RUNX1T1: variants seen among roughly 807,000 people sequenced by gnomAD.
RUNX1T1 encodes protein CBFA2T1.
In RUNX1T1, 4 loss-of-function variants were observed where a neutral mutation model predicts 62.8. That is an observed-to-expected ratio of 0.06 (90% CI 0.03 to 0.15). RUNX1T1 has a LOEUF of 0.15. Among genes scored for constraint, RUNX1T1 ranks in the 10% least tolerant of loss-of-function variants. The pLI is 1.00. For synonymous variants in RUNX1T1, 291 were observed against 286.0 expected (o/e 1.02, Z -0.18); for missense variants, 508 against 754.3 (o/e 0.67, Z 3.82).
At chr8:91,989,724 A>G (rs1358073730) in intron 6 of RUNX1T1, among the ~76,000 whole-genome samples, 1 of 152,160 alleles carries the variant, frequency 6.6e-6, no homozygotes, top group African/African-American at 2.4e-5. Flanking sequence ...ACATGCAATC[A>G]TGGTTTTCAG....
chr8:92,062,080 A>G (rs1832128606), intron 1 of RUNX1T1, among the ~76,000 whole-genome samples: 1 of 152,212 alleles, frequency 6.6e-6, no homozygotes, highest in Admixed American at 6.5e-5. Context: ...AATTCCTTGT[A>G]GTTCCAAAGC....
At chr8:92,095,653 G>A (rs980837146) in intron 1 of RUNX1T1, 1 of 1,196,328 alleles carries the variant, frequency 8.4e-7, no homozygotes, top group Admixed American at 3.5e-5. Flanking sequence ...CAGGCAGGAG[G>A]GAAGGAGAGA....
chr8:91,959,053 G>C (rs1197009533), exon 11 of RUNX1T1: 1 of 210,408 alleles, frequency 4.8e-6, no homozygotes, highest in African/African-American at 2.3e-5. Context: ...GGAATAAAGA[G>C]ACTAAATGTG....
intron 1 of RUNX1T1, among the ~76,000 whole-genome samples, chr8:92,030,202 C>T (rs1163108269): frequency 6.6e-6 from 1 of 152,120 alleles, no homozygotes; most frequent in Non-Finnish European, 1.5e-5. Context: ...CCTATCCTAC[C>T]CACTGTATTA....
chr8:92,017,416 T>G, intron 1 of RUNX1T1, 53 bp from the exon 3 acceptor site: 1 of 1,613,808 alleles, frequency 6.2e-7, no homozygotes, highest in Non-Finnish European at 8.5e-7. Flanking sequence ...ACCTCAGTTT[T>G]TCAAGTGGGG....
chr8:92,073,443 G>C (rs1460506409), intron 2 of RUNX1T1, among the ~76,000 whole-genome samples: 4 of 152,048 alleles, frequency 2.6e-5, no homozygotes, highest in African/African-American at 9.7e-5. Context: ...TTGCTACGCA[G>C]ACCAGACTCT....
At chr8:92,081,867 G>T (rs1181325682) in intron 1 of RUNX1T1, among the ~76,000 whole-genome samples, 1 of 151,838 alleles carries the variant, frequency 6.6e-6, no homozygotes, top group African/African-American at 2.4e-5. Flanking sequence ...CAGAAACTTG[G>T]AAAGTTGTGG....
At chr8:91,988,902 C>G (rs1331735378) in intron 6 of RUNX1T1, among the ~76,000 whole-genome samples, 1 of 152,026 alleles carries the variant, frequency 6.6e-6, no homozygotes, top group Non-Finnish European at 1.5e-5. Flanking sequence ...ATAATCAAAT[C>G]TTTAAAAATA....
In RUNX1T1 at chr8:92,014,608, T is replaced by C. The variant is rs1822640482; in HGVS notation, c.358A>G (p.Arg120Gly). 1 of 1,612,218 alleles carries C rather than the reference T, an allele frequency of 6.2e-7. No individual in the cohort carries two copies. Among genetic ancestry groups the C allele is most frequent in the Non-Finnish European group, 8.5e-7 (1 of 1,178,746 alleles). ...AGTCCCAGAACGAGGGTGCGAACTCTTTCTCCTATCTCGGGTGAAATGTCA... is the reference window on the plus strand; with the variant it reads ...AGTCCCAGAACGAGGGTGCGAACTCCTTCTCCTATCTCGGGTGAAATGTCA... The change falls in exon 3 of 11, where the codon AGA (arginine) becomes GGA (glycine). Residue 120 changes from arginine (R) to glycine (G), a missense_variant. Arg to Gly is a moderately radical substitution (Grantham distance 125). Transcript: ENST00000396218.
At chr8:92,034,473 T>C (rs1243758740) in intron 1 of RUNX1T1, among the ~76,000 whole-genome samples, 2 of 152,150 alleles carry the variant, frequency 1.3e-5, no homozygotes, top group African/African-American at 2.4e-5. Context: ...GCCTGTGACT[T>C]ATATTAGCAA....
At chr8:91,979,099 A>G (rs547622467) in intron 8 of RUNX1T1, among the ~76,000 whole-genome samples, 2 of 152,364 alleles carry the variant, frequency 1.3e-5, no homozygotes, top group East Asian at 3.9e-4. Context: ...GTCTACCAAC[A>G]GAAAGAACAG....
At chr8:92,016,554 A>C (rs144963672) in intron 2 of RUNX1T1, among the ~76,000 whole-genome samples, 1,624 of 152,238 alleles carry the variant, frequency 0.011, 21 homozygotes, top group African/African-American at 0.037. Context: ...GCATGACTGT[A>C]ATCCCAGCTA....
chr8:92,102,311 C>T (rs1487268493), upstream of RUNX1T1, among the ~76,000 whole-genome samples: 1 of 152,166 alleles, frequency 6.6e-6, no homozygotes, highest in Non-Finnish European at 1.5e-5. The surrounding 1 kb of genome is among the most constrained non-coding windows in gnomAD (Gnocchi z 4.5). Context: ...AAGCAAACCC[C>T]CACCCTAGTT....
chr8:92,103,277 G>T (rs1461884907), upstream of RUNX1T1: 1 of 229,100 alleles, frequency 4.4e-6, no homozygotes, highest in Non-Finnish European at 8.6e-6. Flanking sequence ...CGTCTCCCTC[G>T]CCCGCCCTCG....
At chr8:92,038,942 A>G (rs539072206) in intron 1 of RUNX1T1, among the ~76,000 whole-genome samples, 3 of 152,016 alleles carry the variant, frequency 2.0e-5, no homozygotes, top group African/African-American at 7.2e-5. Context: ...AGTCTCTCTC[A>G]TCCAGAAAAA....
intron 1 of RUNX1T1, among the ~76,000 whole-genome samples, chr8:92,043,639 T>C (rs1033857150): frequency 1.3e-5 from 2 of 152,070 alleles, no homozygotes; most frequent in African/African-American, 4.8e-5. Context: ...CTTGGAATTT[T>C]GGAGTGACAG....
intron 6 of RUNX1T1, among the ~76,000 whole-genome samples, chr8:91,987,370 TA>T (rs1445074277): frequency 6.6e-6 from 1 of 152,140 alleles, no homozygotes; most frequent in Non-Finnish European, 1.5e-5. Context: ...AAAGACAGCA[TA>T]AGTCATTTTA....
chr8:91,986,030 T>C, intron 8 of RUNX1T1, 94 bp downstream of exon 9: 1 of 881,846 alleles, frequency 1.1e-6, no homozygotes, highest in Non-Finnish European at 1.9e-6. Flanking sequence ...TTAAAATTCC[T>C]TGCATATCCT....
rs987866592 is a variant in RUNX1T1 at position 91,998,980 on chromosome 8, T to G, written c.659+6136A>C. Among the ~76,000 whole-genome samples the G allele has an allele frequency of 5.3e-5, 8 of 152,338 alleles. No individual in the cohort carries two copies. In the South Asian group the frequency reaches 1.4e-3, roughly 28 times the overall value. ...ATTAAGTTTAATTTGAATTATTTGT[T>G]CAATAGTGGTTTTTGTTCTGTTTGT... On this transcript the variant is annotated intron_variant, in intron 5 of 10. Transcript: ENST00000396218.
Sources: gnomAD v4.1 joint callset for allele counts (sites outside exome capture counted in the v4.1 genomes callset) on GRCh38, gnomAD v4.1.1 for gene constraint, Gnocchi (gnomAD v3.1) non-coding constraint, MANE v1.5 for transcripts, NCBI Gene and HGNC (gene_info 2026-07-23, HGNC 2026-07-21) for gene names.